Variants in USP6NL observed in about 807,000 individuals in gnomAD.
USP6NL encodes the protein USP6 N-terminal-like protein.
Under a neutral mutation model 61.9 loss-of-function variants are expected in USP6NL, and 26 were observed. The ratio of observed to expected loss-of-function variants is 0.42; its 90% CI spans 0.31 to 0.58. The LOEUF (loss-of-function observed/expected upper bound fraction) is 0.58. Among genes scored for constraint, USP6NL ranks in the 20% least tolerant of loss-of-function variants. The probability of loss-of-function intolerance (pLI) is 0.16; values close to 1 mark genes in which losing one functional copy is unlikely to be tolerated. For missense variants in USP6NL, 1,114 were observed against 1,034.3 expected (o/e 1.08, Z -1.06); for synonymous variants, 432 against 390.1 (o/e 1.11, Z -1.27).
intron 2 of USP6NL, among the ~76,000 whole-genome samples, chr10:11,542,299 C>T (rs1648075337): frequency 6.6e-6 from 1 of 152,104 alleles, no homozygotes. Context: ...TAAAGACCAA[C>T]TGTAAATAAT....
chr10:11,462,330 G>A lies in USP6NL; in HGVS notation c.*111C>T. On this transcript the variant is annotated 3_prime_UTR_variant, in exon 15 of 15. Transcript: ENST00000609104. ...GTATTCTTACTACTAACAGACAGGA[G>A]AGATGTGCGAGTTGTTTACAATAGT... 2 of 1,225,382 alleles carry A rather than the reference G, an allele frequency of 1.6e-6. No homozygotes were observed. Among genetic ancestry groups the A allele is most frequent in the Admixed American group, 2.8e-5 (1 of 36,362 alleles). The allele number at this position is 1,225,382 out of a possible 1,614,324, so 75.9% of individuals were successfully genotyped here.
rs1835061091 is a variant in USP6NL at position 11,518,584 on chromosome 10, A to C, written c.156-10T>G. On this transcript the variant is annotated splice_polypyrimidine_tract_variant and intron_variant, in intron 4 of 14. Transcript: ENST00000609104. The surrounding 1 kb of genome is among the most constrained non-coding windows in gnomAD (Gnocchi z 5.3). Reference sequence around the variant, plus strand: ...TGGGAGCTCCTCCTCACTGCAGAGGAAAAACAGTATTATATGAAATTGTTG... The same window carrying C: ...TGGGAGCTCCTCCTCACTGCAGAGGCAAAACAGTATTATATGAAATTGTTG... 6.2e-7 allele frequency: 1 copy of C among 1,609,952 alleles called. No homozygotes were observed. The highest frequency in any genetic ancestry group is 8.5e-7 in the Non-Finnish European group (1 of 1,177,956).
At chr10:11,473,194 A>G (rs565451285) in intron 14 of USP6NL, among the ~76,000 whole-genome samples, 7 of 151,756 alleles carry the variant, frequency 4.6e-5, no homozygotes, top group African/African-American at 1.5e-4. Context: ...TAGTTTTTTT[A>G]TTATCTAAAA....
intron 14 of USP6NL, among the ~76,000 whole-genome samples, chr10:11,473,250 C>A (rs1179220646): frequency 6.6e-6 from 1 of 152,120 alleles, no homozygotes; most frequent in African/African-American, 2.4e-5. Context: ...CAAATACAGC[C>A]ACAGCCACAG....
intron 2 of USP6NL, among the ~76,000 whole-genome samples, chr10:11,578,563 C>T (rs931726796): frequency 6.6e-6 from 1 of 152,056 alleles, no homozygotes; most frequent in African/African-American, 2.4e-5. Context: ...ATGATTGCAC[C>T]ACTGCACTCC....
rs374308000 is a variant in USP6NL at position 11,493,155 on chromosome 10, C to T, written c.458G>A (p.Arg153Gln). ...QIDLDVNRTF[R>Q]DHIMFRDRYG... ...TCTGTCTCTAAACATAATGTGGTCCCGAAATGTGCGGTTGACATCCAGGTC... is the reference window on the plus strand; with the variant it reads ...TCTGTCTCTAAACATAATGTGGTCCTGAAATGTGCGGTTGACATCCAGGTC... The change falls in exon 8 of 15, where the codon CGG becomes CAG. Residue 153 changes from arginine (R) to glutamine (Q), a missense_variant. By Grantham distance (43) the Arg-to-Gln change is conservative (BLOSUM62 1). Transcript: ENST00000609104. The T allele has an allele frequency of 2.0e-5, 33 of 1,611,920 alleles. No homozygotes were observed. The highest frequency in any genetic ancestry group is 2.8e-5 in the Non-Finnish European group (33 of 1,179,052).
rs1837463707 is a variant in USP6NL at position 11,574,236 on chromosome 10, T to G, written c.4+23395A>C. ...TAAAAATAAAATCTATCTTGCTAAC[T>G]CTAAGCTCCCAGATTTGCATAAAAG... On this transcript the variant is annotated intron_variant, in intron 2 of 14. Transcript: ENST00000609104. This position sits in a 1 kb window ranked among gnomAD's most constrained non-coding sequence, Gnocchi z 4.3. Among the ~76,000 whole-genome samples the G allele has an allele frequency of 1.3e-5, 2 of 152,162 alleles. No homozygotes were observed. The highest frequency in any genetic ancestry group is 4.8e-5 in the African/African-American group (2 of 41,432).
rs1837993295 is a variant in USP6NL, at chr10:11,587,016, G to A, written c.4+10615C>T. ...AGGACAGATTCCCTTGCTCCTGCAG[G>A]AGCAAGGACTCCCTGGATGTCCCTT... On this transcript the variant is annotated intron_variant, in intron 2 of 14. Coordinates refer to ENST00000609104, the MANE Select transcript of USP6NL (RefSeq NM_014688.5). The surrounding 1 kb of genome is among the most constrained non-coding windows in gnomAD (Gnocchi z 4.5). Among the ~76,000 whole-genome samples the A allele has an allele frequency of 6.6e-6, 1 of 151,956 alleles. No homozygotes were observed. Among genetic ancestry groups the A allele is most frequent in the Admixed American group, 6.6e-5 (1 of 15,260 alleles).
At position 11,468,913 on chromosome 10, in the gene USP6NL, G is replaced by A. The variant is rs117488408; in HGVS notation, c.1079-5064C>T. Among the ~76,000 whole-genome samples, 96 of 152,210 alleles carry A rather than the reference G, an allele frequency of 6.3e-4. 1 individual carries two copies. The East Asian group carries it at 0.017, about 28-fold the overall frequency. On this transcript the variant is annotated intron_variant, in intron 14 of 14. Transcript: ENST00000609104. This position sits in a 1 kb window ranked among gnomAD's most constrained non-coding sequence, Gnocchi z 4.5. ...TTTCAGGCACAAAACAAAATGCAAA[G>A]GTATGTGTCATACATACGTAGGAGA...
At chr10:11,480,563 C>T (rs867476588) in intron 14 of USP6NL, among the ~76,000 whole-genome samples, 5 of 152,252 alleles carry the variant, frequency 3.3e-5, no homozygotes, top group African/African-American at 1.2e-4. Flanking sequence ...CCAAGGCCCA[C>T]ACCCCATTAC....
In USP6NL at chr10:11,490,986, G is replaced by A. The variant is rs1833690682; in HGVS notation, c.495-106C>T. 3.1e-6 allele frequency: 3 copies of A among 979,016 alleles called. No individual in the cohort carries two copies. Among genetic ancestry groups the A allele is most frequent in the African/African-American group, 1.7e-5 (1 of 59,422 alleles). The allele number at this position is 979,016 out of a possible 1,614,324, so 60.6% of individuals were successfully genotyped here. A position where few individuals can be genotyped will look rare whatever the true frequency, so the allele number is the denominator to read the frequency against. On this transcript the variant is annotated intron_variant, in intron 8 of 14. Transcript: ENST00000609104. This position sits in a 1 kb window ranked among gnomAD's most constrained non-coding sequence, Gnocchi z 4.5. Reference sequence around the variant, plus strand: ...AGACTGACTGAAAACAGATAATCCAGATAAAATTACTAATGTAATAAATTA... The same window carrying A: ...AGACTGACTGAAAACAGATAATCCAAATAAAATTACTAATGTAATAAATTA...
chr10:11,514,554 G>A (rs193014949), intron 5 of USP6NL, among the ~76,000 whole-genome samples: 369 of 152,204 alleles, frequency 2.4e-3, no homozygotes, highest in Non-Finnish European at 3.9e-3. Flanking sequence ...CTTCCCGTCT[G>A]AGTGGCAATG....
At position 11,597,013 on chromosome 10, in the gene USP6NL, T is replaced by C. The variant is rs1352222184; in HGVS notation, c.4+618A>G. On this transcript the variant is annotated intron_variant, in intron 2 of 14. Transcript: ENST00000609104. The surrounding 1 kb of genome is among the most constrained non-coding windows in gnomAD (Gnocchi z 4.6). ...CCATATAATCCCAGTTAGGGTAAAA[T>C]CTCAATTCTTTTCCCACCCTCTAAA... 6.6e-6 allele frequency among the ~76,000 whole-genome samples: 1 copy of C among 152,016 alleles called. No individual in the cohort carries two copies. The highest frequency in any genetic ancestry group is 2.4e-5 in the African/African-American group (1 of 41,392).
chr10:11,584,696 G>A (rs1233831980), intron 2 of USP6NL, among the ~76,000 whole-genome samples: 1 of 152,152 alleles, frequency 6.6e-6, no homozygotes, highest in African/African-American at 2.4e-5. Context: ...CAGCATTCTG[G>A]GAGGCCGAGG....
At chr10:11,508,574 A>C (rs1834557865) in intron 6 of USP6NL, among the ~76,000 whole-genome samples, 1 of 152,144 alleles carries the variant, frequency 6.6e-6, no homozygotes, top group Non-Finnish European at 1.5e-5. Flanking sequence ...GTGATTCCTC[A>C]CTCTGTGTTT....
rs1189013712 is a variant in USP6NL at position 11,478,582 on chromosome 10, T to C, written c.1078+3188A>G. On this transcript the variant is annotated intron_variant, in intron 14 of 14. Coordinates refer to ENST00000609104, the MANE Select transcript of USP6NL (RefSeq NM_014688.5). This position sits in a 1 kb window ranked among gnomAD's most constrained non-coding sequence, Gnocchi z 6.8. ...TTTTTTGTAACTTGACAAAATAATA[T>C]AAAATAATGAGGGGACATTTGCCCT... 1.3e-5 allele frequency among the ~76,000 whole-genome samples: 2 copies of C among 152,042 alleles called. No homozygotes were observed. Among genetic ancestry groups the C allele is most frequent in the East Asian group, 3.9e-4 (2 of 5,188 alleles).
intron 14 of USP6NL, among the ~76,000 whole-genome samples, chr10:11,471,422 T>C (rs1832745184): frequency 6.6e-6 from 1 of 152,146 alleles, no homozygotes; most frequent in South Asian, 2.1e-4. Context: ...GTGTGGCGAT[T>C]CCTCAAGGAT....
rs1048662692 is a variant in USP6NL at position 11,513,188 on chromosome 10, T to C, written c.196-3513A>G. ...GAACCCTATGAAGGAATTAATAACA[T>C]TCTGTGGTCTCAAGGTGGAGGGGTG... On this transcript the variant is annotated intron_variant, in intron 5 of 14. Coordinates refer to ENST00000609104, the MANE Select transcript of USP6NL (RefSeq NM_014688.5). The surrounding 1 kb of genome is among the most constrained non-coding windows in gnomAD (Gnocchi z 4.7). Among the ~76,000 whole-genome samples the C allele has an allele frequency of 6.6e-6, 1 of 152,194 alleles. No individual in the cohort carries two copies. Among genetic ancestry groups the C allele is most frequent in the Non-Finnish European group, 1.5e-5 (1 of 68,010 alleles).
At chr10:11,556,694 G>A (rs189588377) in intron 2 of USP6NL, among the ~76,000 whole-genome samples, 1 of 152,222 alleles carries the variant, frequency 6.6e-6, no homozygotes, top group East Asian at 1.9e-4. Flanking sequence ...ACATTTTATT[G>A]CAACAAAACA....
Sources: gnomAD v4.1 joint callset for allele counts (sites outside exome capture counted in the v4.1 genomes callset) on GRCh38, gnomAD v4.1.1 for gene constraint, Gnocchi (gnomAD v3.1) non-coding constraint, MANE v1.5 for transcripts, NCBI Gene and HGNC (gene_info 2026-07-23, HGNC 2026-07-21) for gene names.